SYNE2: variants seen among roughly 807,000 people sequenced by gnomAD.
SYNE2 encodes nesprin-2.
Under a neutral mutation model 856.3 loss-of-function variants are expected in SYNE2, and 431 were observed. The ratio of observed to expected loss-of-function variants is 0.50; its 90% CI spans 0.47 to 0.55. The LOEUF (loss-of-function observed/expected upper bound fraction) is 0.55, where lower values mean the gene tolerates loss of function less well. SYNE2 is among the 20% of genes least tolerant of loss of function. The pLI is 0.00. For missense variants in SYNE2, 8,129 were observed against 8,023.2 expected, an observed-to-expected ratio of 1.01 and a Z score of -0.50; for synonymous variants, 2,923 against 2,872.3, an observed-to-expected ratio of 1.02 and a Z score of -0.56.
intron 1 of SYNE2, among the ~76,000 whole-genome samples, chr14:63,892,875 T>G (rs1161178436): frequency 7.2e-5 from 11 of 152,146 alleles, no homozygotes; most frequent in Non-Finnish European, 1.6e-4. Flanking sequence ...GGCTGTTTTA[T>G]TTATTTAGTT....
intron 47 of SYNE2, among the ~76,000 whole-genome samples, chr14:64,051,094 A>G (rs891879452): frequency 1.3e-5 from 2 of 152,166 alleles, no homozygotes; most frequent in African/African-American, 4.8e-5. Flanking sequence ...CCTTGAGGAA[A>G]CAATTTTAGA....
chr14:63,831,408 T>C (rs534561854), intron 1 of SYNE2, among the ~76,000 whole-genome samples: 89 of 152,220 alleles, frequency 5.8e-4, no homozygotes, highest in Non-Finnish European at 7.9e-4. Flanking sequence ...GAACATGATT[T>C]GATTCTTTTT....
Position 63,995,039 on chromosome 14 carries a change from T to G in SYNE2, c.2782-5T>G, listed in dbSNP as rs772294909. The G allele has an allele frequency of 1.7e-5, 26 of 1,506,026 alleles. No homozygotes were observed. The highest frequency in any genetic ancestry group is 2.3e-5 in the Non-Finnish European group (25 of 1,097,754). The allele number at this position is 1,506,026 out of a possible 1,614,324, so 93.3% of individuals were successfully genotyped here. On this transcript the variant is annotated splice_polypyrimidine_tract_variant and splice_region_variant and intron_variant, in intron 22 of 115. Coordinates refer to ENST00000555002, the MANE Select transcript of SYNE2 (RefSeq NM_182914.3). ...GTTAATATATTCCTTTGATTTTTTT[T>G]GTAGTCTCTTCATCATGAACTGTCT...
intron 49 of SYNE2, among the ~76,000 whole-genome samples, chr14:64,057,939 T>C (rs974488955): frequency 1.3e-5 from 2 of 152,246 alleles, no homozygotes; most frequent in African/African-American, 2.4e-5. Context: ...TCTATTCAGA[T>C]CTTTTGCCCA....
intron 39 of SYNE2, 72 bp from the exon 40 acceptor site, chr14:64,024,840 T>A: frequency 6.5e-7 from 1 of 1,527,844 alleles, no homozygotes; most frequent in South Asian, 1.1e-5. Flanking sequence ...TCACAAGGTT[T>A]GTGCCATCCT....
Position 63,914,773 on chromosome 14 carries a change from GTGTTT to G in SYNE2, c.79+5564_79+5568del, listed in dbSNP as rs369616920. On this transcript the variant is annotated intron_variant, in intron 2 of 115. Transcript: ENST00000555002. ...GCCCACATTACTAACTTTATTTAGT[GTGTTT>G]TGTTTTGTTTTGTTTTGAAACAGAA... 1.6e-4 allele frequency among the ~76,000 whole-genome samples: 24 copies of G among 152,270 alleles called. No homozygotes were observed. In the South Asian group the frequency reaches 2.7e-3, roughly 17 times the overall value.
At chr14:63,924,858 T>TTTTTTTTTTTTTTTTTTC (rs2095644720) in intron 2 of SYNE2, among the ~76,000 whole-genome samples, 1 of 136,348 alleles carries the variant, frequency 7.3e-6, no homozygotes, top group African/African-American at 2.6e-5. Flanking sequence ...TTTTTTTTTT[T>TTTTTTTTTTTTTTTTTTC]TTTTTGCCTT....
At chr14:63,913,097 C>G (rs1254718278) in intron 2 of SYNE2, among the ~76,000 whole-genome samples, 1 of 152,056 alleles carries the variant, frequency 6.6e-6, no homozygotes, top group Non-Finnish European at 1.5e-5. Context: ...CTGCGCCTGG[C>G]TAACGTTTTT....
At chr14:64,204,566 C>G (rs1348286828) in intron 100 of SYNE2, among the ~76,000 whole-genome samples, 2 of 152,186 alleles carry the variant, frequency 1.3e-5, no homozygotes, top group African/African-American at 4.8e-5. Flanking sequence ...GGAGCCACTG[C>G]TATTCTCTTA....
intron 1 of SYNE2, among the ~76,000 whole-genome samples, chr14:63,855,248 T>C (rs1010375271): frequency 6.6e-6 from 1 of 152,206 alleles, no homozygotes; most frequent in Non-Finnish European, 1.5e-5. Context: ...GTGGGGAATC[T>C]AGGCAGGAAA....
intron 8 of SYNE2, 146 bp downstream of exon 8, chr14:63,955,061 A>G (rs891304957): frequency 7.1e-6 from 5 of 701,904 alleles, no homozygotes; most frequent in African/African-American, 1.8e-5. Context: ...AATTTGATGC[A>G]ATCAAACAAT....
intron 1 of SYNE2, among the ~76,000 whole-genome samples, chr14:63,830,839 TC>T (rs931584388): frequency 1.1e-4 from 12 of 107,830 alleles, no homozygotes; most frequent in African/African-American, 3.3e-4. Flanking sequence ...GTGATCCCAT[TC>T]TTTTTTTTTT....
intron 73 of SYNE2, among the ~76,000 whole-genome samples, chr14:64,127,685 G>A (rs1303052704): frequency 5.9e-5 from 9 of 152,178 alleles, no homozygotes; most frequent in Non-Finnish European, 1.5e-5. Context: ...GCAGGTAGAA[G>A]AGTTAGGAAG....
At chr14:63,934,655 A>G (rs1242106603) in intron 2 of SYNE2, among the ~76,000 whole-genome samples, 1 of 151,824 alleles carries the variant, frequency 6.6e-6, no homozygotes, top group East Asian at 1.9e-4. Context: ...TTCACGCTGC[A>G]TTTCACCTCC....
At position 64,215,518 on chromosome 14, in the gene SYNE2, C is replaced by T. The variant is rs913197157; in HGVS notation, c.19402+164C>T. On this transcript the variant is annotated intron_variant, in intron 107 of 115. Transcript: ENST00000555002. ...ACACTGCCGTACTCACCCATAACTG[C>T]GTGCTCCTTACAAAACCCCATCCAA... The T allele has an allele frequency of 1.2e-4, 92 of 761,304 alleles. 2 individuals carry two copies. The highest frequency in any genetic ancestry group is 1.2e-4 in the African/African-American group (7 of 58,038). The allele number at this position is 761,304 out of a possible 1,614,324, so 47.2% of individuals were successfully genotyped here. A position where few individuals can be genotyped will look rare whatever the true frequency, so the allele number is the denominator to read the frequency against.
intron 18 of SYNE2, among the ~76,000 whole-genome samples, chr14:63,985,115 A>C (rs2096615066): frequency 6.6e-6 from 1 of 152,186 alleles, no homozygotes; most frequent in Non-Finnish European, 1.5e-5. Flanking sequence ...AGATCATTTG[A>C]GGTCAGGAGT....
At chr14:64,001,749 T>C (rs958940625) in intron 28 of SYNE2, among the ~76,000 whole-genome samples, 185 bp from the exon 29 acceptor site, 7 of 152,242 alleles carry the variant, frequency 4.6e-5, no homozygotes, top group Non-Finnish European at 8.8e-5. Context: ...AGCAACCAAT[T>C]CATTCTTTGG....
intron 84 of SYNE2, among the ~76,000 whole-genome samples, chr14:64,149,899 G>A (rs2098223783): frequency 6.6e-6 from 1 of 151,920 alleles, no homozygotes; most frequent in African/African-American, 2.4e-5. Context: ...TCAGATGACA[G>A]GACTACTGGG....
At chr14:63,836,132 C>T (rs983281512) in intron 1 of SYNE2, among the ~76,000 whole-genome samples, 1 of 152,116 alleles carries the variant, frequency 6.6e-6, no homozygotes, top group South Asian at 2.1e-4. Context: ...GGTGATCCTC[C>T]CACCTCAGAC....
Sources: allele counts gnomAD v4.1 joint callset (sites outside exome capture counted in the v4.1 genomes callset), GRCh38; gene constraint gnomAD v4.1.1; transcripts MANE v1.5; gene names NCBI Gene and HGNC (gene_info 2026-07-23, HGNC 2026-07-21).